EYS: variants seen among roughly 807,000 people sequenced by gnomAD.
The protein encoded by EYS is protein eyes shut homolog.
In EYS, 250 loss-of-function variants were observed where a neutral mutation model predicts 282.1. The observed-to-expected ratio is 0.89, with a 90% confidence interval of 0.80 to 0.98. EYS has a LOEUF of 0.98. Ranked by LOEUF, EYS falls within the 50% of genes least tolerant of loss-of-function variation. EYS has a pLI of 0.00. For synonymous variants in EYS, 1,355 were observed against 1,282.9 expected (o/e 1.06, Z -1.20); for missense variants, 4,016 against 3,709.0 (o/e 1.08, Z -2.15).
intron 35 of EYS, among the ~76,000 whole-genome samples, chr6:63,927,095 G>A (rs1764737944): frequency 1.3e-5 from 2 of 152,150 alleles, no homozygotes; most frequent in Admixed American, 6.5e-5. Context: ...GAAAACTTGG[G>A]TTCTTAGTCT....
chr6:64,947,653 C>CTTTTTTTTTT (rs67440131), intron 14 of EYS, among the ~76,000 whole-genome samples: 4 of 129,310 alleles, frequency 3.1e-5, no homozygotes, highest in Admixed American at 7.9e-5. Flanking sequence ...CTTATTTTTT[C>CTTTTTTTTTT]TTTTTTTTTT....
rs557543679 is a variant in EYS at position 64,744,312 on chromosome 6, C to T, written c.3443+69066G>A. ...TTCCAGTTAAAAGAGACTTAAATCC[C>T]AAGTTGGGTAAGACTTGGAGTGAGA... On this transcript the variant is annotated intron_variant, in intron 22 of 42. Transcript: ENST00000503581. Among the ~76,000 whole-genome samples, 125 of 152,164 alleles carry T rather than the reference C, an allele frequency of 8.2e-4. 1 individual carries two copies. Among genetic ancestry groups the T allele is most frequent in the African/African-American group, 2.9e-3 (119 of 41,532 alleles).
At chr6:64,243,752 T>TC (rs1196442117) in intron 30 of EYS, among the ~76,000 whole-genome samples, 10 of 152,236 alleles carry the variant, frequency 6.6e-5, no homozygotes, top group African/African-American at 2.4e-4. Context: ...ACATATTTTT[T>TC]CACATTCAAT....
chr6:64,738,476 T>C (rs1772260155), intron 22 of EYS, among the ~76,000 whole-genome samples: 1 of 152,160 alleles, frequency 6.6e-6, no homozygotes, highest in Admixed American at 6.5e-5. Context: ...AAACCTCTTT[T>C]CTTTATAAGT....
intron 28 of EYS, among the ~76,000 whole-genome samples, chr6:64,410,937 G>C (rs909981285): frequency 6.6e-6 from 1 of 152,122 alleles, no homozygotes; most frequent in African/African-American, 2.4e-5. Flanking sequence ...AAAATTTTTA[G>C]TTGGGTAGTA....
At chr6:64,882,736 T>C (rs1043415505) in intron 19 of EYS, among the ~76,000 whole-genome samples, 2 of 151,684 alleles carry the variant, frequency 1.3e-5, no homozygotes, top group African/African-American at 4.8e-5. Context: ...TCCCATTCAA[T>C]TAATTATCTT....
At chr6:64,465,954 G>A (rs1391255534) in intron 26 of EYS, among the ~76,000 whole-genome samples, 2 of 151,982 alleles carry the variant, frequency 1.3e-5, no homozygotes, top group African/African-American at 4.8e-5. Context: ...GGCATGAATA[G>A]ACTCTTCTTA....
At chr6:63,748,766 G>A (rs975577584) in intron 41 of EYS, among the ~76,000 whole-genome samples, 1 of 152,026 alleles carries the variant, frequency 6.6e-6, no homozygotes, top group East Asian at 1.9e-4. Context: ...TTTCAAATTT[G>A]TGTGCATAGA....
intron 29 of EYS, among the ~76,000 whole-genome samples, chr6:64,373,827 G>A (rs571340213): frequency 8.5e-5 from 13 of 152,214 alleles, no homozygotes; most frequent in East Asian, 1.9e-4. Flanking sequence ...CCTGGCTATC[G>A]GTGGAGGTGG....
intron 1 of EYS, among the ~76,000 whole-genome samples, chr6:65,655,360 T>G (rs1047760626): frequency 6.1e-4 from 92 of 151,830 alleles, no homozygotes; most frequent in African/African-American, 2.1e-3. Flanking sequence ...TCAAGATACC[T>G]GGAAAATACT....
At chr6:64,735,962 T>A (rs969756598) in intron 22 of EYS, among the ~76,000 whole-genome samples, 34 of 151,996 alleles carry the variant, frequency 2.2e-4, no homozygotes, top group African/African-American at 8.0e-4. Context: ...TCAGTTACAA[T>A]CAAACCGATA....
In EYS at chr6:63,789,126, G is replaced by T. The variant is rs1351717011; in HGVS notation, c.7510C>A (p.Pro2504Thr). 1.3e-6 allele frequency: 2 copies of T among 1,551,664 alleles called. No individual in the cohort carries two copies. The highest frequency in any genetic ancestry group is 2.0e-5 in the Admixed American group (1 of 50,998). ...GSGIASIRSE[P>T]LNLSLGVHTV... The stretch of plus-strand genomic sequence containing the variant: ...TGGACTCCAAGGCTCAGATTGAGGG[G>T]CTCGCTCCTGATGCTTGCTATGCCA... The change falls in exon 38 of 43, where the codon CCC (proline) becomes ACC (threonine). Residue 2504 changes from proline to threonine, a missense_variant. Pro to Thr is a conservative substitution (Grantham distance 38). Transcript: ENST00000503581.
chr6:64,389,923 G>A (rs1561966151), intron 28 of EYS, among the ~76,000 whole-genome samples: 1 of 151,794 alleles, frequency 6.6e-6, no homozygotes, highest in Non-Finnish European at 1.5e-5. Flanking sequence ...TGCACACCGT[G>A]CGCCAGCCGA....
intron 22 of EYS, among the ~76,000 whole-genome samples, chr6:64,779,635 A>G (rs1163535203): frequency 1.3e-5 from 2 of 152,154 alleles, no homozygotes; most frequent in African/African-American, 4.8e-5. Context: ...TAAAACATGG[A>G]CTTTAGTTAA....
At chr6:64,395,799 A>T (rs1451264980) in intron 28 of EYS, among the ~76,000 whole-genome samples, 1 of 152,014 alleles carries the variant, frequency 6.6e-6, no homozygotes, top group African/African-American at 2.4e-5. Context: ...AAAAAGAAAA[A>T]AAAACAAAAA....
intron 29 of EYS, among the ~76,000 whole-genome samples, chr6:64,318,910 G>C (rs1770090224): frequency 6.6e-6 from 1 of 151,680 alleles, no homozygotes; most frequent in East Asian, 1.9e-4. Context: ...TTTGTTCTAT[G>C]AGCGTTCCAA....
At chr6:64,668,740 A>AT (rs1455965191) in intron 22 of EYS, among the ~76,000 whole-genome samples, 4 of 150,508 alleles carry the variant, frequency 2.7e-5, no homozygotes, top group South Asian at 4.2e-4. Context: ...AATTTTTTGT[A>AT]TTTTTTTAAG....
intron 5 of EYS, among the ~76,000 whole-genome samples, chr6:65,408,866 T>C (rs1160444917): frequency 6.6e-6 from 1 of 152,148 alleles, no homozygotes; most frequent in Non-Finnish European, 1.5e-5. Flanking sequence ...TATAAGTACT[T>C]AAGCACAGTA....
At chr6:64,872,173 A>T (rs1406719392) in intron 19 of EYS, among the ~76,000 whole-genome samples, 1 of 152,038 alleles carries the variant, frequency 6.6e-6, no homozygotes, top group Non-Finnish European at 1.5e-5. Flanking sequence ...CATCTCAAGG[A>T]GGTAATGACT....
Sources: allele counts gnomAD v4.1 joint callset (sites outside exome capture counted in the v4.1 genomes callset), GRCh38; gene constraint gnomAD v4.1.1; transcripts MANE v1.5; gene names NCBI Gene and HGNC (gene_info 2026-07-23, HGNC 2026-07-21).